Variants in NRG3 observed in about 807,000 individuals in gnomAD.
NRG3 encodes the protein pro-neuregulin-3, membrane-bound isoform.
A neutral mutation model predicts 66.9 loss-of-function variants in NRG3; 31 were observed. That is an observed-to-expected ratio of 0.46 (90% CI 0.35 to 0.63). NRG3 has a LOEUF of 0.63. NRG3 is among the 20% of genes least tolerant of loss of function. The pLI is 0.00. For synonymous variants in NRG3, 393 were observed against 359.4 expected (o/e 1.09, Z -1.06); for missense variants, 910 against 878.9 (o/e 1.04, Z -0.45).
chr10:82,628,091 T>A (rs1173977238), intron 2 of NRG3, among the ~76,000 whole-genome samples: 3 of 152,184 alleles, frequency 2.0e-5, no homozygotes, highest in Non-Finnish European at 2.9e-5. Context: ...GAACTCACAG[T>A]CTTTGCACCA....
At chr10:82,646,439 G>T (rs1256036702) in intron 2 of NRG3, among the ~76,000 whole-genome samples, 1 of 152,068 alleles carries the variant, frequency 6.6e-6, no homozygotes, top group East Asian at 1.9e-4. Flanking sequence ...GTACAATATG[G>T]TCACCTGTCA....
intron 2 of NRG3, among the ~76,000 whole-genome samples, chr10:82,580,898 AGTTTGT>A (rs2046318960): frequency 1.0e-5 from 1 of 98,616 alleles, no homozygotes; most frequent in African/African-American, 4.8e-5. Flanking sequence ...TAAGTTTGTA[AGTTTGT>A]GTGTGTGTGT....
intron 2 of NRG3, among the ~76,000 whole-genome samples, chr10:82,396,176 A>G (rs1004189421): frequency 1.3e-5 from 2 of 152,132 alleles, no homozygotes; most frequent in African/African-American, 4.8e-5. Flanking sequence ...AAATATCCCC[A>G]AGAGTTTTCT....
Position 82,132,479 on chromosome 10 carries a change from G to GATATATATCATATATATATATATC in NRG3, c.824-226252_824-226251insCATATATATATATATCATATATAT, listed in dbSNP as rs1590227753. On this transcript the variant is annotated intron_variant, in intron 1 of 8. Coordinates refer to ENST00000372141, the MANE Select transcript of NRG3 (RefSeq NM_001010848.4). ...TATATGATATATATGATATATATAT[G>GATATATATCATATATATATATATC]ATATATATATATGATATATATATAT... Among the ~76,000 whole-genome samples, 69 of 62,460 alleles carry GATATATATCATATATATATATATC rather than the reference G, an allele frequency of 1.1e-3. 3 individuals are homozygous for GATATATATCATATATATATATATC. Among genetic ancestry groups the GATATATATCATATATATATATATC allele is most frequent in the African/African-American group, 3.9e-3 (67 of 16,964 alleles). 41.0% of individuals were successfully genotyped at this position (62,460 alleles called of 152,430 possible). A position where few individuals can be genotyped will look rare whatever the true frequency, so the allele number is the denominator to read the frequency against.
intron 1 of NRG3, among the ~76,000 whole-genome samples, chr10:82,307,321 G>A (rs921863405): frequency 6.7e-4 from 102 of 152,026 alleles, no homozygotes; most frequent in African/African-American, 2.4e-3. Flanking sequence ...AGTTAAAATC[G>A]CTCATTAAGG....
chr10:82,639,054 C>T (rs959665796), intron 2 of NRG3, among the ~76,000 whole-genome samples: 18 of 152,170 alleles, frequency 1.2e-4, no homozygotes, highest in Admixed American at 7.9e-4. Context: ...GTGAAAAGAT[C>T]AAATTGAATA....
intron 1 of NRG3, among the ~76,000 whole-genome samples, chr10:82,130,485 T>C (rs1827715323): frequency 6.6e-6 from 1 of 152,156 alleles, no homozygotes; most frequent in Non-Finnish European, 1.5e-5. Flanking sequence ...TTGTGAATAG[T>C]GCTACAATAA....
At chr10:82,006,741 C>T (rs955043955) in intron 1 of NRG3, among the ~76,000 whole-genome samples, 5 of 152,084 alleles carry the variant, frequency 3.3e-5, no homozygotes, top group African/African-American at 1.2e-4. Flanking sequence ...CCTAAGCTCT[C>T]ATTGGTACCT....
At chr10:82,668,612 C>T (rs1038936782) in intron 2 of NRG3, among the ~76,000 whole-genome samples, 2 of 152,204 alleles carry the variant, frequency 1.3e-5, no homozygotes, top group African/African-American at 4.8e-5. Flanking sequence ...CCAGAGCAAA[C>T]AGTTGAGATC....
At chr10:82,662,241 G>A (rs1336177753) in intron 2 of NRG3, among the ~76,000 whole-genome samples, 1 of 122,974 alleles carries the variant, frequency 8.1e-6, no homozygotes, top group African/African-American at 2.6e-5. Flanking sequence ...TCACGAAGTA[G>A]GGTGTGGGTT....
chr10:82,552,300 A>AT (rs560743058), intron 2 of NRG3, among the ~76,000 whole-genome samples: 2 of 152,162 alleles, frequency 1.3e-5, no homozygotes, highest in Non-Finnish European at 2.9e-5. Context: ...CAAGATAATG[A>AT]TTTTTTTCCT....
intron 2 of NRG3, among the ~76,000 whole-genome samples, chr10:82,501,250 G>A (rs1169830045): frequency 1.3e-5 from 2 of 152,120 alleles, no homozygotes; most frequent in Non-Finnish European, 2.9e-5. Flanking sequence ...TGGAGATAGA[G>A]CTGCCATCTA....
At chr10:82,902,086 A>T (rs1844280522) in intron 4 of NRG3, among the ~76,000 whole-genome samples, 1 of 152,204 alleles carries the variant, frequency 6.6e-6, no homozygotes, top group South Asian at 2.1e-4. Flanking sequence ...ACATTATTCT[A>T]TTATTGCATA....
intron 2 of NRG3, among the ~76,000 whole-genome samples, chr10:82,443,609 A>T (rs1411884264): frequency 1.3e-5 from 2 of 152,222 alleles, no homozygotes; most frequent in Non-Finnish European, 2.9e-5. Flanking sequence ...CACAGCTAGG[A>T]TTAAATCCAG....
intron 3 of NRG3, among the ~76,000 whole-genome samples, chr10:82,796,808 G>C (rs2060818863): frequency 6.6e-6 from 1 of 151,974 alleles, no homozygotes; most frequent in African/African-American, 2.4e-5. Flanking sequence ...AGAGAGGAGA[G>C]GAATAGGGGT....
At chr10:82,228,299 G>A (rs1203792624) in intron 1 of NRG3, among the ~76,000 whole-genome samples, 1 of 152,090 alleles carries the variant, frequency 6.6e-6, no homozygotes, top group East Asian at 1.9e-4. Flanking sequence ...CAAATTTGGG[G>A]CTTTTTGTAA....
chr10:82,106,795 C>G (rs2132184900), intron 1 of NRG3, among the ~76,000 whole-genome samples: 1 of 152,296 alleles, frequency 6.6e-6, no homozygotes, highest in Admixed American at 6.5e-5. Flanking sequence ...GTGCGAGCCA[C>G]TGCACCTGGC....
intron 2 of NRG3, among the ~76,000 whole-genome samples, chr10:82,419,855 T>G (rs2088929666): frequency 6.6e-6 from 1 of 152,154 alleles, no homozygotes; most frequent in South Asian, 2.1e-4. Flanking sequence ...TAGGTTTGTT[T>G]ACAGAGTTGT....
rs187337876 is a variant in NRG3 at position 82,292,075 on chromosome 10, T to C, written c.824-66664T>C. 3.3e-3 allele frequency among the ~76,000 whole-genome samples: 496 copies of C among 152,188 alleles called. 1 individual carries two copies. Among genetic ancestry groups the C allele is most frequent in the Middle Eastern group, 0.01 (3 of 294 alleles). On this transcript the variant is annotated intron_variant, in intron 1 of 8. Transcript: ENST00000372141. The stretch of plus-strand genomic sequence containing the variant: ...GGAAAATATTTGCAAACCACATATC[T>C]GATGAAGAATAAGTATTTAGAATAT...
Sources: gnomAD v4.1 joint callset for allele counts (sites outside exome capture counted in the v4.1 genomes callset) on GRCh38, gnomAD v4.1.1 for gene constraint, MANE v1.5 for transcripts, NCBI Gene and HGNC (gene_info 2026-07-23, HGNC 2026-07-21) for gene names.